RIC8B: variants seen among roughly 807,000 people sequenced by gnomAD.
RIC8B encodes the protein RIC8 guanine nucleotide exchange factor B.
Under a neutral mutation model 57.5 loss-of-function variants are expected in RIC8B, and 16 were observed. That is an observed-to-expected ratio of 0.28 (90% CI 0.19 to 0.42). The LOEUF is 0.42. Ranked by LOEUF, RIC8B falls within the 10% of genes least tolerant of loss-of-function variation. RIC8B has a pLI of 1.00. For synonymous variants in RIC8B, 216 were observed against 250.8 expected, an observed-to-expected ratio of 0.86 and a Z score of 1.31; for missense variants, 481 against 677.0, an observed-to-expected ratio of 0.71 and a Z score of 3.21.
intron 1 of RIC8B, among the ~76,000 whole-genome samples, chr12:106,782,615 T>C (rs142503941): frequency 1.3e-3 from 198 of 152,332 alleles, no homozygotes; most frequent in African/African-American, 4.6e-3. Flanking sequence ...CTGAGTTCAT[T>C]CCTTTTAATT....
At position 106,886,903 on chromosome 12, in the gene RIC8B, T is replaced by C. The variant is rs1248045290; in HGVS notation, c.*888T>C. ...AGTCAGCAGCACCCATTTGTACATATAGGTCATTCATACATCACATTTTAA... is the reference window on the plus strand; with the variant it reads ...AGTCAGCAGCACCCATTTGTACATACAGGTCATTCATACATCACATTTTAA... On this transcript the variant is annotated 3_prime_UTR_variant, in exon 10 of 10. Coordinates refer to ENST00000392837, the MANE Select transcript of RIC8B (RefSeq NM_001330145.2). 3 of 152,492 alleles carry C rather than the reference T, an allele frequency of 2.0e-5. No individual in the cohort carries two copies. The highest frequency in any genetic ancestry group is 7.2e-5 in the African/African-American group (3 of 41,392). 9.4% of individuals were successfully genotyped at this position (152,492 alleles called of 1,614,324 possible).
chr12:106,852,017 A>G (rs929346120), intron 7 of RIC8B, among the ~76,000 whole-genome samples: 1 of 152,188 alleles, frequency 6.6e-6, no homozygotes. Flanking sequence ...ACGTTTTCCA[A>G]TCAGTACTTA....
At chr12:106,820,716 A>G (rs966862565) in intron 3 of RIC8B, among the ~76,000 whole-genome samples, 5 of 152,226 alleles carry the variant, frequency 3.3e-5, no homozygotes, top group Non-Finnish European at 5.9e-5. Context: ...ATGAGATAAA[A>G]CAGTGAGTGT....
intron 2 of RIC8B, among the ~76,000 whole-genome samples, chr12:106,793,344 TG>T (rs2136201835): frequency 6.6e-6 from 1 of 152,330 alleles, no homozygotes; most frequent in South Asian, 2.1e-4. Context: ...AAGAGAGTGC[TG>T]AATGTCTCCT....
chr12:106,879,458 A>G lies in RIC8B; in HGVS notation c.1572-6446A>G. ...ACCTTCTCTAAGGTGCTGAGAAGTC[A>G]TATAAGCCCAGGCATCCTAGAGTAT... On this transcript the variant is annotated intron_variant, in intron 9 of 9. Transcript: ENST00000392837. This position sits in a 1 kb window ranked among gnomAD's most constrained non-coding sequence, Gnocchi z 4.9. The G allele has an allele frequency of 1.0e-6, 1 of 985,346 alleles. No individual in the cohort carries two copies. The highest frequency in any genetic ancestry group is 1.7e-5 in the African/African-American group (1 of 57,328). 61.0% of individuals were successfully genotyped at this position (985,346 alleles called of 1,614,324 possible). A position where few individuals can be genotyped will look rare whatever the true frequency, so the allele number is the denominator to read the frequency against.
intron 7 of RIC8B, among the ~76,000 whole-genome samples, chr12:106,854,150 G>A (rs182856112): frequency 6.6e-6 from 1 of 152,160 alleles, no homozygotes; most frequent in Non-Finnish European, 1.5e-5. Context: ...ATGTGGCCAG[G>A]GTTAGCAGAT....
At position 106,886,064 on chromosome 12, in the gene RIC8B, CTG is replaced by C; in HGVS notation, c.*51_*52del. 1 of 1,285,924 alleles carries C rather than the reference CTG, an allele frequency of 7.8e-7. No homozygotes were observed. Among genetic ancestry groups the C allele is most frequent in the South Asian group, 1.2e-5 (1 of 83,408 alleles). 79.7% of individuals were successfully genotyped at this position (1,285,924 alleles called of 1,614,324 possible). ...ATATTGCTTTATCAGCATCTTTTCT[CTG>C]TAGCTCCAGGGGAATCTTTTCTCTA... On this transcript the variant is annotated 3_prime_UTR_variant, in exon 10 of 10. Coordinates refer to ENST00000392837, the MANE Select transcript of RIC8B (RefSeq NM_001330145.2).
At chr12:106,840,929 C>T (rs1241654702) in intron 4 of RIC8B, among the ~76,000 whole-genome samples, 1 of 152,088 alleles carries the variant, frequency 6.6e-6, no homozygotes, top group Admixed American at 6.6e-5. Flanking sequence ...GGCTTGTATA[C>T]AGTTTTTGAA....
intron 9 of RIC8B, chr12:106,871,508 T>TCCCCTTCC (rs1555263987): frequency 3.5e-5 from 3 of 86,808 alleles, no homozygotes; most frequent in Non-Finnish European, 4.7e-5. Context: ...ACCAAAAAAC[T>TCCCCTTCC]CCCCTTCCCC....
chr12:106,852,160 G>A (rs905583682), intron 7 of RIC8B, among the ~76,000 whole-genome samples: 5 of 152,194 alleles, frequency 3.3e-5, no homozygotes, highest in African/African-American at 1.2e-4. Flanking sequence ...TACTCTATAA[G>A]TGTATATAAA....
chr12:106,846,165 T>C (rs182263457), intron 6 of RIC8B, among the ~76,000 whole-genome samples: 5 of 152,322 alleles, frequency 3.3e-5, no homozygotes, highest in East Asian at 3.9e-4. Flanking sequence ...TCTAGACTTA[T>C]ACAGTGAACT....
intron 3 of RIC8B, among the ~76,000 whole-genome samples, chr12:106,817,651 C>G (rs895045156): frequency 1.3e-5 from 2 of 151,558 alleles, no homozygotes; most frequent in Non-Finnish European, 2.9e-5. Flanking sequence ...AACCCCGTCT[C>G]TACTAAAAAA....
In RIC8B at chr12:106,825,815, A is replaced by G. The variant is rs2046071575; in HGVS notation, c.831A>G (p.Leu277=). The part of the protein sequence containing the change: ...VGPTEDKTEE[L]HSNAVNLLSN... Reference sequence around the variant, plus strand: ...CAACTGAAGACAAAACAGAAGAGCTACACAGGTGGGTAAGCTCTGTATTGA... The same window carrying G: ...CAACTGAAGACAAAACAGAAGAGCTGCACAGGTGGGTAAGCTCTGTATTGA... The change falls in exon 4 of 10, where the codon CTA becomes CTG. Residue 277 remains leucine (L), a synonymous_variant. Transcript: ENST00000392837. 6.2e-7 allele frequency: 1 copy of G among 1,604,820 alleles called. No individual in the cohort carries two copies.
intron 3 of RIC8B, among the ~76,000 whole-genome samples, chr12:106,820,876 A>AT (rs1446148983): frequency 6.6e-6 from 1 of 152,186 alleles, no homozygotes; most frequent in African/African-American, 2.4e-5. Context: ...TTTTTTCTCC[A>AT]TTTTAATGTT....
chr12:106,791,872 C>G (rs1232734040), intron 2 of RIC8B, among the ~76,000 whole-genome samples: 1 of 152,194 alleles, frequency 6.6e-6, no homozygotes, highest in Non-Finnish European at 1.5e-5. Flanking sequence ...GACTGTGAAT[C>G]CATGCTTTGG....
intron 4 of RIC8B, among the ~76,000 whole-genome samples, chr12:106,833,142 A>G (rs2046429352): frequency 6.6e-6 from 1 of 152,208 alleles, no homozygotes; most frequent in Non-Finnish European, 1.5e-5. Flanking sequence ...CCTAATCAAT[A>G]AAAATTTTTG....
intron 6 of RIC8B, among the ~76,000 whole-genome samples, chr12:106,845,578 C>T (rs2136435691): frequency 6.6e-6 from 1 of 151,870 alleles, no homozygotes; most frequent in South Asian, 2.1e-4. Flanking sequence ...ATTTATTTCC[C>T]CTCTCTCTCT....
intron 4 of RIC8B, among the ~76,000 whole-genome samples, chr12:106,833,876 A>G (rs923538999): frequency 4.6e-5 from 7 of 152,232 alleles, no homozygotes; most frequent in Admixed American, 4.6e-4. Flanking sequence ...ATAACAAGTG[A>G]GTTCTCACTC....
chr12:106,822,198 T>C (rs1220430527), intron 3 of RIC8B: 2 of 151,898 alleles, frequency 1.3e-5, no homozygotes, highest in Non-Finnish European at 2.9e-5. Context: ...TCAACTTTAT[T>C]AGTCACCATA....
Sources: gnomAD v4.1 joint callset for allele counts (sites outside exome capture counted in the v4.1 genomes callset) on GRCh38, gnomAD v4.1.1 for gene constraint, Gnocchi (gnomAD v3.1) non-coding constraint, MANE v1.5 for transcripts, NCBI Gene and HGNC (gene_info 2026-07-23, HGNC 2026-07-21) for gene names.